The following HTR1F variants were observed in gnomAD, a reference collection of about 807,000 sequenced individuals.
The protein encoded by HTR1F is 5-hydroxytryptamine (serotonin) receptor 1F, G protein-coupled.
In HTR1F, 17 loss-of-function variants were observed where a neutral mutation model predicts 24.0. That is an observed-to-expected ratio of 0.71 (90% CI 0.48 to 1.06). HTR1F has a LOEUF of 1.06. Among genes scored for constraint, HTR1F ranks in the 50% least tolerant of loss-of-function variants. The pLI is 0.00. For missense variants in HTR1F, 391 were observed against 427.8 expected, an observed-to-expected ratio of 0.91 and a Z score of 0.76; for synonymous variants, 186 against 156.8, an observed-to-expected ratio of 1.19 and a Z score of -1.39.
rs549860385 is a variant in HTR1F, at chr3:87,833,024, A to C, written c.-43+10900A>C. Reference sequence around the variant, plus strand: ...TCTTTAAGGTCTGAGGGTCTTAACAACACCTTTCTCCAGCTGTCAAGGAAA... The same window carrying C: ...TCTTTAAGGTCTGAGGGTCTTAACACCACCTTTCTCCAGCTGTCAAGGAAA... On this transcript the variant is annotated intron_variant, in intron 2 of 2. Coordinates refer to ENST00000319595, the MANE Select transcript of HTR1F (RefSeq NM_001322209.2). Among the ~76,000 whole-genome samples the C allele has an allele frequency of 2.6e-5, 4 of 152,290 alleles. No homozygotes were observed. In the East Asian group the frequency reaches 7.7e-4, roughly 29 times the overall value.
chr3:87,815,065 A>G (rs1401587921), intron 1 of HTR1F, among the ~76,000 whole-genome samples: 1 of 152,122 alleles, frequency 6.6e-6, no homozygotes, highest in Non-Finnish European at 1.5e-5. Context: ...CAGGAAAAGG[A>G]AGTCAAGGAA....
chr3:87,918,371 G>A (rs1219002456), intron 2 of HTR1F, among the ~76,000 whole-genome samples: 1 of 152,050 alleles, frequency 6.6e-6, no homozygotes, highest in Non-Finnish European at 1.5e-5. Context: ...CCTAGCCAGA[G>A]CAATCAGACA....
intron 2 of HTR1F, among the ~76,000 whole-genome samples, chr3:87,980,012 G>A (rs982199946): frequency 6.6e-6 from 1 of 152,178 alleles, no homozygotes; most frequent in Admixed American, 6.5e-5. Context: ...CTGTGTTCCT[G>A]GAAAGGCCAC....
At chr3:87,869,758 T>C (rs1213395487) in intron 2 of HTR1F, among the ~76,000 whole-genome samples, 1 of 152,068 alleles carries the variant, frequency 6.6e-6, no homozygotes, top group Admixed American at 6.6e-5. Context: ...GGCCTACCCA[T>C]GTTAGGAAGG....
intron 2 of HTR1F, among the ~76,000 whole-genome samples, chr3:87,887,533 C>G (rs1255898265): frequency 1.3e-5 from 2 of 152,246 alleles, no homozygotes; most frequent in African/African-American, 4.8e-5. Flanking sequence ...TCAGAGTGAA[C>G]AGGCAACCTA....
intron 2 of HTR1F, among the ~76,000 whole-genome samples, chr3:87,842,674 C>A (rs1004755762): frequency 1.9e-4 from 29 of 151,842 alleles, no homozygotes; most frequent in African/African-American, 7.0e-4. Context: ...TTTACAATTT[C>A]TAATGTAAAA....
chr3:87,930,490 T>G (rs1183464800), intron 2 of HTR1F, among the ~76,000 whole-genome samples: 1 of 152,164 alleles, frequency 6.6e-6, no homozygotes, highest in African/African-American at 2.4e-5. Flanking sequence ...GTTTTTAATG[T>G]GAAACGATGT....
chr3:87,968,950 G>A (rs1215039582), intron 2 of HTR1F, among the ~76,000 whole-genome samples: 1 of 152,248 alleles, frequency 6.6e-6, no homozygotes, highest in Non-Finnish European at 1.5e-5. Flanking sequence ...AAGGGACCAA[G>A]GTACAGCTTG....
intron 2 of HTR1F, among the ~76,000 whole-genome samples, chr3:87,906,177 G>A (rs1703663888): frequency 2.6e-5 from 4 of 152,164 alleles, no homozygotes; most frequent in South Asian, 2.1e-4. Context: ...AAAGGTTAAG[G>A]CTATAGAGTA....
At chr3:87,985,245 G>C (rs1046074092) in intron 2 of HTR1F, among the ~76,000 whole-genome samples, 16 of 151,892 alleles carry the variant, frequency 1.1e-4, no homozygotes, top group South Asian at 4.2e-4. Flanking sequence ...TGAGGCTGAC[G>C]AATCGCTTGA....
intron 2 of HTR1F, among the ~76,000 whole-genome samples, chr3:87,917,457 G>A (rs1703919134): frequency 6.7e-6 from 1 of 149,850 alleles, no homozygotes; most frequent in Non-Finnish European, 1.5e-5. Context: ...AAAATTGATA[G>A]ATTGTTAGCA....
intron 2 of HTR1F, among the ~76,000 whole-genome samples, chr3:87,959,770 T>G (rs1705022422): frequency 8.3e-6 from 1 of 119,800 alleles, no homozygotes; most frequent in South Asian, 2.5e-4. Context: ...ACCATGGGTT[T>G]TTTTTTTTTT....
At chr3:87,920,081 T>G (rs1239789678) in intron 2 of HTR1F, among the ~76,000 whole-genome samples, 1 of 148,730 alleles carries the variant, frequency 6.7e-6, no homozygotes, top group Non-Finnish European at 1.5e-5. Context: ...TAAAAAGGAA[T>G]GAATTAACTG....
chr3:87,986,246 A>G (rs1705659356), intron 2 of HTR1F, among the ~76,000 whole-genome samples: 1 of 152,224 alleles, frequency 6.6e-6, no homozygotes, highest in African/African-American at 2.4e-5. Context: ...TAGATGGTTT[A>G]TTACATTTCT....
At chr3:87,883,766 A>G (rs574220036) in intron 2 of HTR1F, among the ~76,000 whole-genome samples, 1 of 152,340 alleles carries the variant, frequency 6.6e-6, no homozygotes, top group South Asian at 2.1e-4. Flanking sequence ...CAAATCAATG[A>G]AATAAAGCAA....
chr3:87,952,553 A>G lies in HTR1F; in HGVS notation c.-42-38155A>G, dbSNP rs941791370. Among the ~76,000 whole-genome samples the G allele has an allele frequency of 1.1e-4, 16 of 152,016 alleles. 1 individual carries two copies. The highest frequency in any genetic ancestry group is 8.5e-4 in the Admixed American group (13 of 15,252). On this transcript the variant is annotated intron_variant, in intron 2 of 2. Coordinates refer to ENST00000319595, the MANE Select transcript of HTR1F (RefSeq NM_001322209.2). ...AAAGTGCTAAAACATTGTCAGCATC[A>G]ATAAATTGCGATCAGCCCTAAGGGC...
chr3:87,868,632 TAAATA>T, intron 2 of HTR1F, among the ~76,000 whole-genome samples: 1 of 151,882 alleles, frequency 6.6e-6, no homozygotes, highest in South Asian at 2.1e-4. Flanking sequence ...AGATAAGAAT[TAAATA>T]AAATGAAACT....
intron 1 of HTR1F, among the ~76,000 whole-genome samples, chr3:87,799,523 T>C (rs1223573290): frequency 2.0e-5 from 3 of 152,250 alleles, no homozygotes; most frequent in Non-Finnish European, 4.4e-5. Flanking sequence ...TAGGTATTTA[T>C]TCTCAGCTAA....
intron 2 of HTR1F, among the ~76,000 whole-genome samples, chr3:87,832,426 G>A (rs752509390): frequency 3.4e-5 from 5 of 148,428 alleles, no homozygotes; most frequent in Non-Finnish European, 7.4e-5. Flanking sequence ...CTCCCGGGTT[G>A]AAGCAATTCT....
Sources: gnomAD v4.1 joint callset for allele counts (sites outside exome capture counted in the v4.1 genomes callset) on GRCh38, gnomAD v4.1.1 for gene constraint, MANE v1.5 for transcripts, NCBI Gene and HGNC (gene_info 2026-07-23, HGNC 2026-07-21) for gene names.